GNAO1: variants seen among roughly 807,000 people sequenced by gnomAD.
GNAO1 encodes guanine nucleotide-binding protein G(o) subunit alpha.
For missense variants in GNAO1, 166 were observed against 478.7 expected (o/e 0.35, Z 6.10); for synonymous variants, 164 against 180.7 (o/e 0.91, Z 0.74).
chr16:56,255,141 C>G (rs1020294268), intron 2 of GNAO1, among the ~76,000 whole-genome samples: 4 of 152,184 alleles, frequency 2.6e-5, no homozygotes, highest in African/African-American at 9.7e-5. Flanking sequence ...TATGTCCCTT[C>G]TATTTTCAGA....
chr16:56,192,263 A>C lies in GNAO1; in HGVS notation c.28A>C (p.Arg10=). 6.2e-7 allele frequency: 1 copy of C among 1,605,804 alleles called. No homozygotes were observed. Among genetic ancestry groups the C allele is most frequent in the South Asian group, 1.1e-5 (1 of 90,110 alleles). The part of the protein sequence containing the change: MGCTLSAEE[R]AALERSKAIE... ...GGGATGTACTCTGAGCGCAGAGGAG[A>C]GAGCCGCCCTCGAGCGGAGCAAGGC... The change falls in exon 1 of 9, where the codon AGA becomes CGA. Residue 10 remains arginine (R), a synonymous_variant. Coordinates refer to ENST00000262493, the MANE Select transcript of GNAO1 (RefSeq NM_020988.3).
At chr16:56,312,036 C>T (rs1244574965) in intron 3 of GNAO1, among the ~76,000 whole-genome samples, 11 of 152,346 alleles carry the variant, frequency 7.2e-5, no homozygotes, top group African/African-American at 2.6e-4. Context: ...CCAGCCTTCC[C>T]TGACCCTGCC....
At chr16:56,258,620 G>T (rs2036874835) in intron 2 of GNAO1, among the ~76,000 whole-genome samples, 1 of 152,364 alleles carries the variant, frequency 6.6e-6, no homozygotes, top group East Asian at 1.9e-4. Context: ...TTCAGGAAGA[G>T]CCCTGTTCCC....
At chr16:56,336,969 C>A in intron 6 of GNAO1, 109 bp downstream of exon 6, 3 of 1,069,758 alleles carry the variant, frequency 2.8e-6, no homozygotes, top group Non-Finnish European at 4.0e-6. Context: ...CTCTGGGGTC[C>A]AGCCAGCTGT....
intron 3 of GNAO1, among the ~76,000 whole-genome samples, chr16:56,327,887 C>T (rs2037651777): frequency 6.6e-6 from 1 of 152,172 alleles, no homozygotes. Flanking sequence ...CTAGGAGCTT[C>T]CCCTGCCCCC....
chr16:56,278,416 G>A (rs1392882852), intron 3 of GNAO1, among the ~76,000 whole-genome samples: 3 of 152,222 alleles, frequency 2.0e-5, no homozygotes, highest in African/African-American at 7.2e-5. Flanking sequence ...CCGAGACCCA[G>A]GCCACAGCAA....
In GNAO1 at chr16:56,269,607, T is replaced by G. The variant is rs555258541; in HGVS notation, c.162-6324T>G. Among the ~76,000 whole-genome samples the G allele has an allele frequency of 2.3e-4, 35 of 152,298 alleles. 1 individual carries two copies. In the South Asian group the frequency reaches 7.1e-3, roughly 31 times the overall value. On this transcript the variant is annotated intron_variant, in intron 2 of 8. Coordinates refer to ENST00000262493, the MANE Select transcript of GNAO1 (RefSeq NM_020988.3). ...CCCGGTCTCAGCTAGAGTCTGGCTC[T>G]AGAAGCCCCCGCTTCCTGTGGATCA...
At chr16:56,275,625 A>G (rs2037054692) in intron 2 of GNAO1, among the ~76,000 whole-genome samples, 1 of 152,178 alleles carries the variant, frequency 6.6e-6, no homozygotes, top group Admixed American at 6.5e-5. Flanking sequence ...ACTAACATAC[A>G]TTGAGTGCTT....
rs527797064 is a variant in GNAO1 at position 56,351,639 on chromosome 16, G to A, written c.877+102G>A. 3.6e-4 allele frequency: 328 copies of A among 898,636 alleles called. No homozygotes were observed. The Middle Eastern group carries it at 0.01, about 29-fold the overall frequency. 55.7% of individuals were successfully genotyped at this position (898,636 alleles called of 1,614,324 possible). Reference sequence around the variant, plus strand: ...GCCAGCACTGCTGGGGCTAGCTGGCGAGCGGGACCCATTGCAGGAGACTGG... The same window carrying A: ...GCCAGCACTGCTGGGGCTAGCTGGCAAGCGGGACCCATTGCAGGAGACTGG... On this transcript the variant is annotated intron_variant, in intron 7 of 8. Transcript: ENST00000262493. The surrounding 1 kb of genome is among the most constrained non-coding windows in gnomAD (Gnocchi z 6.1).
intron 3 of GNAO1, among the ~76,000 whole-genome samples, chr16:56,299,234 G>A (rs532537959): frequency 6.6e-6 from 1 of 152,336 alleles, no homozygotes; most frequent in African/African-American, 2.4e-5. Flanking sequence ...CTCTCCAGAT[G>A]AAGCCCTCAG....
chr16:56,218,889 A>T, intron 2 of GNAO1, among the ~76,000 whole-genome samples: 1 of 152,280 alleles, frequency 6.6e-6, no homozygotes, highest in East Asian at 1.9e-4. Context: ...TGGTGTTTCA[A>T]TTGCACATTG....
At chr16:56,221,369 G>T (rs1218794684) in intron 2 of GNAO1, among the ~76,000 whole-genome samples, 3 of 152,024 alleles carry the variant, frequency 2.0e-5, no homozygotes, top group Admixed American at 2.0e-4. Context: ...AAGTCATGGG[G>T]CCAGGTGCAG....
At chr16:56,282,831 T>A (rs1305789263) in intron 3 of GNAO1, among the ~76,000 whole-genome samples, 1 of 152,238 alleles carries the variant, frequency 6.6e-6, no homozygotes, top group East Asian at 1.9e-4. Context: ...TTCTGTGATA[T>A]GCAGTTGATT....
intron 2 of GNAO1, among the ~76,000 whole-genome samples, chr16:56,273,464 C>T (rs2037035595): frequency 6.6e-6 from 1 of 152,070 alleles, no homozygotes; most frequent in South Asian, 2.1e-4. Flanking sequence ...TTTTAAAATT[C>T]TTATTAATTC....
rs1596883590 is a variant in GNAO1, at chr16:56,354,811, G to A, written c.878-55G>A. On this transcript the variant is annotated intron_variant, in intron 7 of 8. Coordinates refer to ENST00000262493, the MANE Select transcript of GNAO1 (RefSeq NM_020988.3). This position sits in a 1 kb window ranked among gnomAD's most constrained non-coding sequence, Gnocchi z 4.3. ...TTCTTGTCTTCATGTCCCCAGCCCT[G>A]TCCACCCACAGCGCTCATCAGGGCC... is the stretch of plus-strand genomic sequence containing the variant. 1 of 1,123,044 alleles carries A rather than the reference G, an allele frequency of 8.9e-7. No individual in the cohort carries two copies. The highest frequency in any genetic ancestry group is 1.3e-6 in the Non-Finnish European group (1 of 744,126). 69.6% of individuals were successfully genotyped at this position (1,123,044 alleles called of 1,614,324 possible).
intron 2 of GNAO1, among the ~76,000 whole-genome samples, chr16:56,262,651 G>A (rs1315261793): frequency 2.6e-5 from 4 of 152,054 alleles, no homozygotes; most frequent in African/African-American, 9.7e-5. Flanking sequence ...TGCTCCCAAT[G>A]TACAGTATTG....
intron 6 of GNAO1, among the ~76,000 whole-genome samples, chr16:56,348,490 C>T (rs919729103): frequency 6.6e-6 from 1 of 152,250 alleles, no homozygotes; most frequent in Non-Finnish European, 1.5e-5. Flanking sequence ...GCCATGGTTG[C>T]GCTGGCACTG....
intron 4 of GNAO1, among the ~76,000 whole-genome samples, chr16:56,334,008 T>G (rs767464031): frequency 1.3e-5 from 2 of 152,272 alleles, no homozygotes; most frequent in Non-Finnish European, 2.9e-5. Flanking sequence ...CTCTGAGTGC[T>G]TGGCCTGAGG....
chr16:56,347,431 G>A, intron 6 of GNAO1: 1 of 985,622 alleles, frequency 1.0e-6, no homozygotes, highest in Non-Finnish European at 1.2e-6. Flanking sequence ...TCTGTGGTAG[G>A]GCTCCCCATC....
Sources: gnomAD v4.1 joint callset for allele counts (sites outside exome capture counted in the v4.1 genomes callset) on GRCh38, gnomAD v4.1.1 for gene constraint, Gnocchi (gnomAD v3.1) non-coding constraint, MANE v1.5 for transcripts, NCBI Gene and HGNC (gene_info 2026-07-23, HGNC 2026-07-21) for gene names.